The following EIF4EBP2 variants were observed in gnomAD, a reference collection of about 807,000 sequenced individuals.
The protein encoded by EIF4EBP2 is eukaryotic translation initiation factor 4E binding protein 2, also known as eukaryotic translation initiation factor 4E-binding protein 2.
In EIF4EBP2, 5 loss-of-function variants were observed where a neutral mutation model predicts 10.3. That is an observed-to-expected ratio of 0.48 (90% CI 0.25 to 1.02). EIF4EBP2 has a LOEUF of 1.02. Ranked by LOEUF, EIF4EBP2 falls within the 50% of genes least tolerant of loss-of-function variation. EIF4EBP2 has a pLI of 0.15. For synonymous variants in EIF4EBP2, 67 were observed against 61.1 expected (o/e 1.10, Z -0.45); for missense variants, 188 against 162.2 (o/e 1.16, Z -0.86).
intron 1 of EIF4EBP2, among the ~76,000 whole-genome samples, chr10:70,410,007 A>T (rs1025498880): frequency 1.1e-4 from 17 of 152,328 alleles, no homozygotes; most frequent in Middle Eastern, 3.4e-3. Context: ...AAAATAATCC[A>T]CTGGGAGTGA....
Position 70,404,479 on chromosome 10 carries a change from C to T in EIF4EBP2, c.78C>T (p.Asp26=), listed in dbSNP as rs1361516162. The T allele has an allele frequency of 1.9e-6, 3 of 1,600,108 alleles. No homozygotes were observed. Among genetic ancestry groups the T allele is most frequent in the African/African-American group, 1.4e-5 (1 of 72,760 alleles). Residue 26 remains aspartate (D), a synonymous_variant, in exon 1 of 3, where the codon GAC becomes GAT. Coordinates refer to ENST00000373218, the MANE Select transcript of EIF4EBP2 (RefSeq NM_004096.5). The part of the protein sequence containing the change: ...AIPTRTVAIS[D]AAQLPHDYCT... ...CCACCCGCACCGTGGCCATCAGCGA[C>T]GCCGCGCAGCTACCTCATGACTATT...
At chr10:70,415,494 A>G (rs937627480) in intron 1 of EIF4EBP2, among the ~76,000 whole-genome samples, 1 of 140,662 alleles carries the variant, frequency 7.1e-6, no homozygotes, top group African/African-American at 2.8e-5. Flanking sequence ...CTTGAAAAAG[A>G]AAAACTAAGT....
At position 70,419,938 on chromosome 10, in the gene EIF4EBP2, A is replaced by G; in HGVS notation, c.170A>G (p.Lys57Arg). 2 of 1,587,870 alleles carry G rather than the reference A, an allele frequency of 1.3e-6. No homozygotes were observed. Among genetic ancestry groups the G allele is most frequent in the Admixed American group, 1.9e-5 (1 of 52,868 alleles). The stretch of plus-strand genomic sequence containing the variant: ...GGAACTCGAATCATTTATGACAGAA[A>G]GTTTCTGTTGGATCGTCGCAATTCT... ...PGGTRIIYDR[K>R]FLLDRRNSPM... Residue 57 changes from lysine (K) to arginine (R), a missense_variant, in exon 2 of 3, where the codon AAG becomes AGG. Coordinates refer to ENST00000373218, the MANE Select transcript of EIF4EBP2 (RefSeq NM_004096.5).
In EIF4EBP2 at chr10:70,427,428, A is replaced by G. The variant is rs1845214899; in HGVS notation, c.*5681A>G. The stretch of plus-strand genomic sequence containing the variant: ...TTCCTGTTCCTAGTCATGGTTTTCC[A>G]GTTTAGTAGTGGAGTTTCTTGAGGC... On this transcript the variant is annotated 3_prime_UTR_variant, in exon 3 of 3. Coordinates refer to ENST00000373218, the MANE Select transcript of EIF4EBP2 (RefSeq NM_004096.5). 6.6e-6 allele frequency: 1 copy of G among 152,196 alleles called. No individual in the cohort carries two copies. Among genetic ancestry groups the G allele is most frequent in the South Asian group, 2.1e-4 (1 of 4,832 alleles). The allele number at this position is 152,196 out of a possible 1,614,324, so 9.4% of individuals were successfully genotyped here. A position where few individuals can be genotyped will look rare whatever the true frequency, so the allele number is the denominator to read the frequency against.
chr10:70,424,243 C>A lies in EIF4EBP2; in HGVS notation c.*2496C>A, dbSNP rs748289336. 6.6e-6 allele frequency: 1 copy of A among 152,072 alleles called. No homozygotes were observed. The highest frequency in any genetic ancestry group is 1.5e-5 in the Non-Finnish European group (1 of 68,034). The allele number at this position is 152,072 out of a possible 1,614,324, so 9.4% of individuals were successfully genotyped here. A position where few individuals can be genotyped will look rare whatever the true frequency, so the allele number is the denominator to read the frequency against. On this transcript the variant is annotated 3_prime_UTR_variant, in exon 3 of 3. Coordinates refer to ENST00000373218, the MANE Select transcript of EIF4EBP2 (RefSeq NM_004096.5). ...GTCTTGGGGAGCTTCTGCATGTGAC[C>A]CCCTAATCAGAAGGCATGTTTTTAG... is the stretch of plus-strand genomic sequence containing the variant.
chr10:70,413,839 A>T (rs1379092208), intron 1 of EIF4EBP2, among the ~76,000 whole-genome samples: 3 of 152,168 alleles, frequency 2.0e-5, no homozygotes, highest in Admixed American at 2.0e-4. Flanking sequence ...GTAACACTCC[A>T]TCAATTGATC....
intron 1 of EIF4EBP2, among the ~76,000 whole-genome samples, chr10:70,413,831 A>T (rs1589147089): frequency 6.6e-6 from 1 of 152,294 alleles, no homozygotes; most frequent in Non-Finnish European, 1.5e-5. Context: ...TAATTTTTGT[A>T]ACACTCCATC....
chr10:70,411,114 A>G (rs957493145), intron 1 of EIF4EBP2, among the ~76,000 whole-genome samples: 1 of 152,230 alleles, frequency 6.6e-6, no homozygotes, highest in Non-Finnish European at 1.5e-5. Flanking sequence ...TGTACAGCTC[A>G]GTGGGATTAA....
chr10:70,410,143 C>T (rs779586469), intron 1 of EIF4EBP2, among the ~76,000 whole-genome samples: 1 of 152,064 alleles, frequency 6.6e-6, no homozygotes, highest in Non-Finnish European at 1.5e-5. Context: ...CATCTTGGCT[C>T]ACCGCAACCT....
In EIF4EBP2 at chr10:70,428,203, AAAG is replaced by A. The variant is rs1261830836; in HGVS notation, c.*6460_*6462del. On this transcript the variant is annotated 3_prime_UTR_variant, in exon 3 of 3. Transcript: ENST00000373218. ...CTCTGCTACTCCAGGGGTAAACCTT[AAAG>A]AAGGTGTCTTGAAGAGCCCAGAGGA... 5 of 151,934 alleles carry A rather than the reference AAAG, an allele frequency of 3.3e-5. No homozygotes were observed. The highest frequency in any genetic ancestry group is 1.2e-4 in the African/African-American group (5 of 41,346). The allele number at this position is 151,934 out of a possible 1,614,324, so 9.4% of individuals were successfully genotyped here. A position where few individuals can be genotyped will look rare whatever the true frequency, so the allele number is the denominator to read the frequency against.
At chr10:70,404,777 A>C (rs114108070) in intron 1 of EIF4EBP2, among the ~76,000 whole-genome samples, 2,004 of 152,272 alleles carry the variant, frequency 0.013, 37 homozygotes, top group African/African-American at 0.046. Context: ...TGTCGCGAAA[A>C]AGAGCTCTTG....
chr10:70,404,507 A>AC lies in EIF4EBP2; in HGVS notation c.108dup (p.Thr37HisfsTer19). 1.9e-6 allele frequency: 3 copies of AC among 1,593,832 alleles called. No individual in the cohort carries two copies. Among genetic ancestry groups the AC allele is most frequent in the Non-Finnish European group, 2.6e-6 (3 of 1,172,978 alleles). On this transcript the variant is annotated frameshift_variant, in exon 1 of 3. Transcript: ENST00000373218. LOFTEE classifies it high-confidence loss of function. ...CGCGCAGCTACCTCATGACTATTGC[A>AC]CCACGCCCGGGGGGACGCTCTTCTC...
At chr10:70,413,579 G>A (rs2137227590) in intron 1 of EIF4EBP2, among the ~76,000 whole-genome samples, 1 of 129,612 alleles carries the variant, frequency 7.7e-6, no homozygotes, top group South Asian at 2.4e-4. Flanking sequence ...CTGCACTCAA[G>A]CCTGGGTGAT....
intron 1 of EIF4EBP2, among the ~76,000 whole-genome samples, chr10:70,408,306 C>T (rs558820451): frequency 2.0e-5 from 3 of 151,588 alleles, no homozygotes; most frequent in Non-Finnish European, 3.0e-5. Context: ...CCTCACCTCC[C>T]GGACGGGGCG....
intron 1 of EIF4EBP2, among the ~76,000 whole-genome samples, chr10:70,411,823 C>A (rs36038032): frequency 0.17 from 25,202 of 152,022 alleles, 2,226 homozygotes; most frequent in Middle Eastern, 0.19. Context: ...TTATATACAC[C>A]CTTCTCCCAA....
chr10:70,407,258 G>A (rs982620845), intron 1 of EIF4EBP2, among the ~76,000 whole-genome samples: 2 of 152,138 alleles, frequency 1.3e-5, no homozygotes, highest in African/African-American at 4.8e-5. Context: ...AGAGGACCCT[G>A]TGGCCTTCCG....
chr10:70,405,187 G>A (rs746786024), intron 1 of EIF4EBP2, among the ~76,000 whole-genome samples: 2 of 152,210 alleles, frequency 1.3e-5, no homozygotes, highest in African/African-American at 2.4e-5. Flanking sequence ...AGGGAAAGTA[G>A]GTGGGGGTGG....
chr10:70,416,897 G>A (rs1296131782), intron 1 of EIF4EBP2, among the ~76,000 whole-genome samples: 3 of 152,090 alleles, frequency 2.0e-5, no homozygotes, highest in South Asian at 4.2e-4. Context: ...GAACTTGTGA[G>A]GTCAAGTAAT....
chr10:70,407,326 A>T (rs948070767), intron 1 of EIF4EBP2, among the ~76,000 whole-genome samples: 1 of 152,092 alleles, frequency 6.6e-6, no homozygotes, highest in Non-Finnish European at 1.5e-5. Context: ...CTTAACGAGC[A>T]CGCTGCCTTC....
Sources: gnomAD v4.1 joint callset for allele counts (sites outside exome capture counted in the v4.1 genomes callset) on GRCh38, gnomAD v4.1.1 for gene constraint, MANE v1.5 for transcripts, NCBI Gene and HGNC (gene_info 2026-07-23, HGNC 2026-07-21) for gene names.